Variants in KIAA0232 observed in about 807,000 individuals in gnomAD.
The protein encoded by KIAA0232 is KIAA0232, also known as uncharacterized protein KIAA0232.
Under a neutral mutation model 122.0 loss-of-function variants are expected in KIAA0232, and 27 were observed. The observed-to-expected ratio is 0.22, with a 90% confidence interval of 0.16 to 0.31. The LOEUF (loss-of-function observed/expected upper bound fraction) is 0.31. Ranked by LOEUF, KIAA0232 falls within the 10% of genes least tolerant of loss-of-function variation. The pLI, the probability that KIAA0232 is intolerant of heterozygous loss-of-function variation, is 1.00. For missense variants in KIAA0232, 1,551 were observed against 1,634.2 expected, an observed-to-expected ratio of 0.95 and a Z score of 0.88; for synonymous variants, 613 against 587.6, an observed-to-expected ratio of 1.04 and a Z score of -0.63.
At position 6,862,140 on chromosome 4, in the gene KIAA0232, T is replaced by C; in HGVS notation, c.1758T>C (p.Asn586=). ...GCTTATTCCTGCAGGACCTTGGCAA[T>C]CTGGCTCAGTTTTGGGAGTGCTGTT... ...AEGLFLQDLG[N]LAQFWECCSS... is the part of the protein sequence containing the mutation. Residue 586 remains asparagine (N), a synonymous_variant, in exon 7 of 10, where the codon AAT becomes AAC. Transcript: ENST00000307659. 6.2e-7 allele frequency: 1 copy of C among 1,614,154 alleles called. No homozygotes were observed. The highest frequency in any genetic ancestry group is 1.1e-5 in the South Asian group (1 of 91,082).
chr4:6,807,044 A>ATCTG (rs1717652830), intron 2 of KIAA0232, among the ~76,000 whole-genome samples: 1 of 143,082 alleles, frequency 7.0e-6, no homozygotes. Context: ...CTATCTATCT[A>ATCTG]TCTATCTATC....
intron 2 of KIAA0232, among the ~76,000 whole-genome samples, chr4:6,816,288 G>GT (rs11389688): frequency 0.32 from 45,974 of 142,480 alleles, 7,644 homozygotes; most frequent in Non-Finnish European, 0.35. Flanking sequence ...TCTTTTTTTT[G>GT]TTTTTTTTTT....
intron 4 of KIAA0232, among the ~76,000 whole-genome samples, chr4:6,847,289 A>T (rs1488389069): frequency 6.6e-6 from 1 of 152,196 alleles, no homozygotes; most frequent in Non-Finnish European, 1.5e-5. Context: ...TCATGGTTTA[A>T]GGAGAATGGC....
intron 3 of KIAA0232, among the ~76,000 whole-genome samples, chr4:6,828,956 C>T (rs980680201): frequency 8.6e-5 from 13 of 151,588 alleles, no homozygotes; most frequent in African/African-American, 1.5e-4. Context: ...TCACCTGTCC[C>T]GATATTGTTT....
chr4:6,832,983 C>G (rs73199910), intron 3 of KIAA0232, among the ~76,000 whole-genome samples: 5,582 of 152,230 alleles, frequency 0.037, 159 homozygotes, highest in Non-Finnish European at 0.052. Flanking sequence ...AATAATAATC[C>G]CAGTCCTGAG....
intron 4 of KIAA0232, among the ~76,000 whole-genome samples, chr4:6,852,784 T>C (rs1244090979): frequency 1.3e-5 from 2 of 152,356 alleles, no homozygotes; most frequent in South Asian, 4.1e-4. Flanking sequence ...CCAGGATTGC[T>C]TTCCTCATGT....
rs894146556 is a variant in KIAA0232, at chr4:6,820,346, A to G, written c.-269-3839A>G. 2.6e-5 allele frequency among the ~76,000 whole-genome samples: 4 copies of G among 152,320 alleles called. No homozygotes were observed. The Middle Eastern group carries it at 0.01, about 389-fold the overall frequency. On this transcript the variant is annotated intron_variant, in intron 2 of 9. Transcript: ENST00000307659. The stretch of plus-strand genomic sequence containing the variant: ...AAGCTGGCATGTTTAGGCTACATCT[A>G]CCAGATTGACATTTAGGAATATAAA...
rs536902073 is a variant in KIAA0232, at chr4:6,859,116, A to C, written c.518+610A>C. The stretch of plus-strand genomic sequence containing the variant: ...CTGTCTTATTAAAAAAAAAAAAAAA[A>C]AAAAAAACAAGAAAGAAAAGAAATG... On this transcript the variant is annotated intron_variant, in intron 6 of 9. Transcript: ENST00000307659. 2.2e-3 allele frequency among the ~76,000 whole-genome samples: 337 copies of C among 151,654 alleles called. 1 individual carries two copies. Among genetic ancestry groups the C allele is most frequent in the African/African-American group, 7.2e-3 (298 of 41,372 alleles).
At chr4:6,877,937 T>C (rs1464655265) in intron 9 of KIAA0232, among the ~76,000 whole-genome samples, 1 of 152,182 alleles carries the variant, frequency 6.6e-6, no homozygotes, top group Non-Finnish European at 1.5e-5. Context: ...TGAAATTATA[T>C]GTAATCTTCA....
intron 1 of KIAA0232, among the ~76,000 whole-genome samples, chr4:6,803,011 C>CAAAA (rs746215162): frequency 4.1e-5 from 2 of 48,452 alleles, no homozygotes; most frequent in African/African-American, 8.0e-5. Flanking sequence ...CTGTCTTGAC[C>CAAAA]AAAAAAAAAA....
In KIAA0232 at chr4:6,857,249, T is replaced by G. The variant is rs771705001; in HGVS notation, c.436+19T>G. 1.3e-6 allele frequency: 2 copies of G among 1,600,002 alleles called. No individual in the cohort carries two copies. On this transcript the variant is annotated intron_variant, in intron 5 of 9. Transcript: ENST00000307659. ...AAGCAAGGTGAGGTCAAAAGCACTG[T>G]GCGCACACATGCCAGGATTACATCC...
intron 3 of KIAA0232, among the ~76,000 whole-genome samples, chr4:6,840,094 CCT>C (rs768357673): frequency 6.6e-6 from 1 of 152,088 alleles, no homozygotes; most frequent in Non-Finnish European, 1.5e-5. Flanking sequence ...TGGGCTGGCC[CCT>C]GTTAGGTTTG....
intron 7 of KIAA0232, among the ~76,000 whole-genome samples, chr4:6,867,847 C>T (rs1021889739): frequency 2.0e-5 from 3 of 152,204 alleles, no homozygotes; most frequent in African/African-American, 7.2e-5. Flanking sequence ...AGACAGCTGC[C>T]CCAGATCCCA....
intron 7 of KIAA0232, among the ~76,000 whole-genome samples, chr4:6,867,389 G>T (rs1464071763): frequency 1.3e-5 from 2 of 152,222 alleles, no homozygotes; most frequent in Non-Finnish European, 2.9e-5. Flanking sequence ...TGAATCTGCT[G>T]ATGTGTGCAG....
chr4:6,786,995 A>T (rs1332167312), intron 1 of KIAA0232, among the ~76,000 whole-genome samples: 1 of 152,084 alleles, frequency 6.6e-6, no homozygotes, highest in East Asian at 1.9e-4. Flanking sequence ...ATCCTGGCCA[A>T]CATGGTGAAA....
At chr4:6,800,043 CTTTTTTTTTTTTTTTTTTTT>C (rs752428517) in intron 1 of KIAA0232, among the ~76,000 whole-genome samples, 4 of 60,038 alleles carry the variant, frequency 6.7e-5, no homozygotes, top group African/African-American at 1.3e-4. Context: ...TTCTTTCTTT[CTTTTTTTTTTTTTTTTTTTT>C]TTTTTTTTTT....
At chr4:6,809,086 G>T (rs985008246) in intron 2 of KIAA0232, among the ~76,000 whole-genome samples, 5 of 152,204 alleles carry the variant, frequency 3.3e-5, no homozygotes, top group African/African-American at 1.2e-4. Flanking sequence ...CTTCAGGAAG[G>T]CAGGGCAGGA....
intron 2 of KIAA0232, among the ~76,000 whole-genome samples, chr4:6,805,066 C>T (rs1051540661): frequency 3.9e-5 from 6 of 152,108 alleles, no homozygotes; most frequent in African/African-American, 1.4e-4. Flanking sequence ...AAAATGAAGA[C>T]GTTTATGGCA....
At chr4:6,795,884 C>T (rs763720178) in intron 1 of KIAA0232, among the ~76,000 whole-genome samples, 42 of 152,196 alleles carry the variant, frequency 2.8e-4, no homozygotes, top group Non-Finnish European at 5.6e-4. Context: ...AACCACTGCA[C>T]TTGGCCTAGA....
Sources: allele counts gnomAD v4.1 joint callset (sites outside exome capture counted in the v4.1 genomes callset), GRCh38; gene constraint gnomAD v4.1.1; transcripts MANE v1.5; gene names NCBI Gene and HGNC (gene_info 2026-07-23, HGNC 2026-07-21).